The following ESRRG variants were observed in gnomAD, a reference collection of about 807,000 sequenced individuals.
The protein encoded by ESRRG is estrogen related receptor gamma.
In ESRRG, 13 loss-of-function variants were observed where a neutral mutation model predicts 44.0. That is an observed-to-expected ratio of 0.30 (90% CI 0.19 to 0.47). The LOEUF (loss-of-function observed/expected upper bound fraction) is 0.47, where lower values mean the gene tolerates loss of function less well. Ranked by LOEUF, ESRRG falls within the 20% of genes least tolerant of loss-of-function variation. ESRRG has a pLI of 1.00. For missense variants in ESRRG, 395 were observed against 580.6 expected (o/e 0.68, Z 3.29); for synonymous variants, 215 against 214.6 (o/e 1.00, Z -0.02).
intron 6 of ESRRG, 39 bp from the exon 7 acceptor site, chr1:216,507,222 T>C: frequency 1.4e-6 from 2 of 1,443,094 alleles, no homozygotes; most frequent in Non-Finnish European, 9.4e-7. Flanking sequence ...ATTATAATAA[T>C]AATAGCAAAC....
At chr1:216,960,731 G>A (rs1216022600) in intron 1 of ESRRG, among the ~76,000 whole-genome samples, 2 of 152,016 alleles carry the variant, frequency 1.3e-5, no homozygotes, top group Admixed American at 6.6e-5. Flanking sequence ...GACTATAGGT[G>A]CATGCCACCA....
At chr1:216,946,230 CCA>C (rs1265224927) in intron 1 of ESRRG, among the ~76,000 whole-genome samples, 1 of 152,120 alleles carries the variant, frequency 6.6e-6, no homozygotes, top group African/African-American at 2.4e-5. Flanking sequence ...TGTAGAGAGA[CCA>C]CAGTCTTCAT....
intron 2 of ESRRG, among the ~76,000 whole-genome samples, chr1:216,777,365 G>A (rs578042520): frequency 4.6e-5 from 7 of 152,146 alleles, no homozygotes; most frequent in East Asian, 1.9e-4. Flanking sequence ...GTCAGCCAGC[G>A]CAACACGAAA....
chr1:217,103,352 T>TAA (rs1183617110), intron 1 of ESRRG, among the ~76,000 whole-genome samples: 1 of 151,764 alleles, frequency 6.6e-6, no homozygotes, highest in Non-Finnish European at 1.5e-5. Context: ...GAGCAACAGT[T>TAA]AAAAGATTTT....
At chr1:216,934,362 A>G (rs1319955034) in intron 2 of ESRRG, among the ~76,000 whole-genome samples, 1 of 152,158 alleles carries the variant, frequency 6.6e-6, no homozygotes, top group African/African-American at 2.4e-5. Flanking sequence ...TGAACTTGGG[A>G]GGCGGAAGTT....
intron 1 of ESRRG, among the ~76,000 whole-genome samples, chr1:216,702,776 CAAAAA>C (rs5780911): frequency 1.1e-5 from 1 of 95,186 alleles, no homozygotes; most frequent in Admixed American, 1.2e-4. Context: ...GACTCTGCCT[CAAAAA>C]AAAAAAAAAA....
upstream of ESRRG, among the ~76,000 whole-genome samples, chr1:216,724,342 T>G (rs2087032061): frequency 6.9e-6 from 1 of 145,624 alleles, no homozygotes; most frequent in South Asian, 2.2e-4. Flanking sequence ...CTCGATGCAT[T>G]TTGACAAAAT....
chr1:216,964,759 C>T (rs2069894211), intron 1 of ESRRG, among the ~76,000 whole-genome samples: 1 of 151,776 alleles, frequency 6.6e-6, no homozygotes, highest in Admixed American at 6.6e-5. Flanking sequence ...AAAAAAAAAC[C>T]TCTGGCAGAG....
intron 3 of ESRRG, among the ~76,000 whole-genome samples, chr1:216,569,961 T>C (rs2060491540): frequency 6.6e-6 from 1 of 152,178 alleles, no homozygotes; most frequent in South Asian, 2.1e-4. Context: ...TCACGCAGAA[T>C]ATGTGAGCTG....
chr1:216,823,578 C>A (rs1403201638), intron 2 of ESRRG, among the ~76,000 whole-genome samples: 3 of 152,128 alleles, frequency 2.0e-5, no homozygotes, highest in Non-Finnish European at 4.4e-5. Flanking sequence ...AGAGAAAACT[C>A]ATTCTTTTTT....
intron 1 of ESRRG, among the ~76,000 whole-genome samples, chr1:216,974,880 T>A (rs1339215): frequency 0.49 from 73,739 of 151,478 alleles, 19,776 homozygotes; most frequent in East Asian, 0.73. Context: ...TGTGCTTTTT[T>A]TTTTTTTTAA....
intron 2 of ESRRG, among the ~76,000 whole-genome samples, chr1:216,672,107 A>T: frequency 6.6e-6 from 1 of 151,712 alleles, no homozygotes; most frequent in East Asian, 1.9e-4. Flanking sequence ...TAAGGCCAAA[A>T]TTGGAATTGG....
At chr1:216,924,801 T>TA (rs1258601689) in intron 2 of ESRRG, among the ~76,000 whole-genome samples, 9 of 152,144 alleles carry the variant, frequency 5.9e-5, no homozygotes, top group African/African-American at 1.9e-4. Flanking sequence ...CAGGAAGCCG[T>TA]AGCGGGTGAG....
chr1:216,677,946 C>A (rs1355281320), intron 1 of ESRRG, among the ~76,000 whole-genome samples: 1 of 152,168 alleles, frequency 6.6e-6, no homozygotes, highest in Non-Finnish European at 1.5e-5. Flanking sequence ...TCTACCTTTC[C>A]TTCCTCATTC....
intron 2 of ESRRG, among the ~76,000 whole-genome samples, chr1:216,907,856 C>T (rs911974675): frequency 2.0e-5 from 3 of 152,168 alleles, no homozygotes; most frequent in Non-Finnish European, 4.4e-5. Context: ...CACAAAGAAT[C>T]GAGATCACCC....
At chr1:216,951,236 C>T (rs1027622439) in intron 1 of ESRRG, among the ~76,000 whole-genome samples, 2 of 152,132 alleles carry the variant, frequency 1.3e-5, no homozygotes, top group South Asian at 2.1e-4. Context: ...ATATTAGTAA[C>T]ATTAAGCTTA....
chr1:216,635,305 G>A (rs537871879), intron 3 of ESRRG, among the ~76,000 whole-genome samples: 3 of 152,292 alleles, frequency 2.0e-5, no homozygotes, highest in East Asian at 1.9e-4. Flanking sequence ...CAGAACTTGA[G>A]CAGGCAAGTA....
intron 2 of ESRRG, among the ~76,000 whole-genome samples, chr1:216,926,105 G>C (rs1374296403): frequency 6.6e-6 from 1 of 152,194 alleles, no homozygotes; most frequent in African/African-American, 2.4e-5. Flanking sequence ...CGCTGGGATG[G>C]ATGGACCAGT....
In ESRRG at chr1:216,842,765, G is replaced by T. The variant is rs118095075; in HGVS notation, c.-14+96817C>A. The stretch of plus-strand genomic sequence containing the variant: ...AATACTACTAATCCAAGAAGCAAAG[G>T]TGCTATGACTTTGATAGTGCATTTA... On this transcript the variant is annotated intron_variant, in intron 2 of 7. Transcript: ENST00000359162. Among the ~76,000 whole-genome samples the T allele has an allele frequency of 2.6e-5, 4 of 152,260 alleles. No individual in the cohort carries two copies. The East Asian group carries it at 7.7e-4, about 29-fold the overall frequency.
Sources: gnomAD v4.1 joint callset for allele counts (sites outside exome capture counted in the v4.1 genomes callset) on GRCh38, gnomAD v4.1.1 for gene constraint, MANE v1.5 for transcripts, NCBI Gene and HGNC (gene_info 2026-07-23, HGNC 2026-07-21) for gene names.